DST: variants seen among roughly 807,000 people sequenced by gnomAD.
DST encodes the protein bullous pemphigoid antigen.
Under a neutral mutation model 875.2 loss-of-function variants are expected in DST, and 253 were observed. That is an observed-to-expected ratio of 0.29 (90% CI 0.26 to 0.32). DST has a LOEUF of 0.32. DST is among the 10% of genes least tolerant of loss of function. The pLI is 1.00. For missense variants in DST, 8,287 were observed against 9,111.6 expected, an observed-to-expected ratio of 0.91 and a Z score of 3.68; for synonymous variants, 3,124 against 3,197.1, an observed-to-expected ratio of 0.98 and a Z score of 0.77.
Position 56,954,604 on chromosome 6 carries a change from G to GGGCGAC in DST, c.-23_-18dup. 7.5e-7 allele frequency: 1 copy of GGGCGAC among 1,331,782 alleles called. No individual in the cohort carries two copies. Among genetic ancestry groups the GGGCGAC allele is most frequent in the Non-Finnish European group, 1.0e-6 (1 of 1,004,358 alleles). The allele number at this position is 1,331,782 out of a possible 1,614,324, so 82.5% of individuals were successfully genotyped here. A position where few individuals can be genotyped will look rare whatever the true frequency, so the allele number is the denominator to read the frequency against. The stretch of plus-strand genomic sequence containing the variant: ...GGCGATCATGGTGCGGGCGAGGCGA[G>GGGCGAC]GGCGACTCGACGGCGGGGCTGGAGG... On this transcript the variant is annotated 5_prime_UTR_variant, in exon 1 of 104. Transcript: ENST00000680361.
chr6:56,605,243 T>G lies in DST; in HGVS notation c.9385A>C (p.Lys3129Gln), dbSNP rs1356373781. ...EPNNLQIIVS[K>Q]SPVQFENLEE... ...AGATTCTCAAACTGAACAGGACTTT[T>G]ACTAACTATTATTTGTAGATTATTT... The change falls in exon 40 of 104, where the codon AAA (lysine) becomes CAA (glutamine). Residue 3129 changes from lysine (K) to glutamine (Q), a missense_variant. Physicochemically the swap from Lys to Gln is moderately conservative, Grantham distance 53. Coordinates refer to ENST00000680361, the MANE Select transcript of DST (RefSeq NM_001374736.1). 1 of 1,610,984 alleles carries G rather than the reference T, an allele frequency of 6.2e-7. No individual in the cohort carries two copies. Among genetic ancestry groups the G allele is most frequent in the Non-Finnish European group, 8.5e-7 (1 of 1,178,312 alleles).
chr6:56,781,344 C>T (rs1485122761), intron 4 of DST, among the ~76,000 whole-genome samples: 2 of 152,182 alleles, frequency 1.3e-5, no homozygotes, highest in East Asian at 1.9e-4. Context: ...TTGATTCTTC[C>T]TACCCATGAG....
At position 56,670,692 on chromosome 6, in the gene DST, G is replaced by C. The variant is rs763979804; in HGVS notation, c.1163C>G (p.Thr388Ser). 1.2e-6 allele frequency: 2 copies of C among 1,608,136 alleles called. No individual in the cohort carries two copies. Among genetic ancestry groups the C allele is most frequent in the Admixed American group, 3.4e-5 (2 of 59,272 alleles). The part of the protein sequence containing the change: ...GYAGIRCENF[T>S]TCWRDGKLFN... Reference sequence around the variant, plus strand: ...TAATTTTCCATCTCTCCAGCAGGTAGTGAAATTTTCACACCGAATTCCAGC... The same window carrying C: ...TAATTTTCCATCTCTCCAGCAGGTACTGAAATTTTCACACCGAATTCCAGC... The change falls in exon 10 of 104, where the codon ACT becomes AGT. Residue 388 changes from threonine to serine, a missense_variant. Coordinates refer to ENST00000680361, the MANE Select transcript of DST (RefSeq NM_001374736.1).
Position 56,506,466 on chromosome 6 carries a change from C to A in DST, c.19441G>T (p.Val6481Phe). 6.2e-7 allele frequency: 1 copy of A among 1,612,696 alleles called. No homozygotes were observed. The highest frequency in any genetic ancestry group is 8.5e-7 in the Non-Finnish European group (1 of 1,179,290). The change falls in exon 77 of 104, where the codon GTT (valine) becomes TTT (phenylalanine). Residue 6481 changes from valine to phenylalanine, a missense_variant. Physicochemically the swap from Val to Phe is conservative, Grantham distance 50 (BLOSUM62 -1). Transcript: ENST00000680361. The part of the protein sequence containing the change: ...DKLEEAMQAA[V>F]QYQDGLQAVF... ...ACCTGCAGTCCATCCTGGTACTGAA[C>A]GGCAGCCTGCATTGCCTCCTCAAGT...
At chr6:56,680,884 T>C (rs1475289263) in intron 9 of DST, among the ~76,000 whole-genome samples, 1 of 152,178 alleles carries the variant, frequency 6.6e-6, no homozygotes, top group Non-Finnish European at 1.5e-5. Flanking sequence ...ACTAACCATG[T>C]ATTGACCACT....
chr6:56,627,113 A>G (rs2098741777), intron 34 of DST, 91 bp downstream of exon 34: 1 of 977,470 alleles, frequency 1.0e-6, no homozygotes, highest in Admixed American at 1.7e-5. Context: ...TCTTTTAAAC[A>G]CTGAGTGAAA....
intron 32 of DST, 76 bp downstream of exon 32, chr6:56,629,174 A>G: frequency 1.4e-6 from 2 of 1,416,280 alleles, no homozygotes; most frequent in Non-Finnish European, 2.0e-6. Context: ...AAATAGCCTC[A>G]TATGTGTAGA....
chr6:56,510,229 T>G (rs1040259945), intron 73 of DST, among the ~76,000 whole-genome samples: 2 of 152,168 alleles, frequency 1.3e-5, no homozygotes, highest in African/African-American at 4.8e-5. Flanking sequence ...TCAAATTAAT[T>G]TTAAAAATCA....
At chr6:56,842,601 T>C (rs922157915) in intron 4 of DST, among the ~76,000 whole-genome samples, 3 of 152,098 alleles carry the variant, frequency 2.0e-5, no homozygotes, top group African/African-American at 7.2e-5. Flanking sequence ...GTCACAAACT[T>C]TATCAAATAA....
At chr6:56,878,855 T>C (rs1037158236) in intron 3 of DST, among the ~76,000 whole-genome samples, 11 of 152,168 alleles carry the variant, frequency 7.2e-5, no homozygotes, top group Admixed American at 3.3e-4. Context: ...TAACGTTGAA[T>C]ATGAAGTTGT....
intron 55 of DST, among the ~76,000 whole-genome samples, chr6:56,568,254 A>G (rs1263620733): frequency 2.0e-5 from 3 of 152,256 alleles, no homozygotes; most frequent in Admixed American, 2.0e-4. Flanking sequence ...CATTTTAAAT[A>G]CAGTCTAATA....
intron 61 of DST, among the ~76,000 whole-genome samples, chr6:56,539,541 C>G (rs770747142): frequency 1.3e-5 from 2 of 152,116 alleles, no homozygotes; most frequent in African/African-American, 2.4e-5. Context: ...CCACAGCACA[C>G]AAGCATGAAG....
chr6:56,816,816 A>ATTT (rs35624872), intron 4 of DST, among the ~76,000 whole-genome samples: 3,626 of 144,506 alleles, frequency 0.025, 76 homozygotes, highest in African/African-American at 0.044. Context: ...AAATAGGCTG[A>ATTT]TTTTTTTTTT....
At position 56,714,556 on chromosome 6, in the gene DST, T is replaced by G. The variant is rs1474534737; in HGVS notation, c.688-10187A>C. 2.0e-5 allele frequency among the ~76,000 whole-genome samples: 3 copies of G among 152,296 alleles called. No individual in the cohort carries two copies. In the East Asian group the frequency reaches 5.8e-4, roughly 29 times the overall value. Reference sequence around the variant, plus strand: ...CCAGCCCCTGTCTGAGCACACTCCCTTTTAAAGTGACAAGTTTCACCAAGA... The same window carrying G: ...CCAGCCCCTGTCTGAGCACACTCCCGTTTAAAGTGACAAGTTTCACCAAGA... On this transcript the variant is annotated intron_variant, in intron 5 of 103. Transcript: ENST00000680361. The surrounding 1 kb of genome is among the most constrained non-coding windows in gnomAD (Gnocchi z 4.5).
intron 36 of DST, chr6:56,615,769 TA>T: frequency 6.2e-7 from 1 of 1,614,222 alleles, no homozygotes; most frequent in South Asian, 1.1e-5. Flanking sequence ...CCTGTGGCTC[TA>T]TCAACCCTCC....
At chr6:56,819,728 A>T (rs917925229) in intron 4 of DST, among the ~76,000 whole-genome samples, 2 of 126,322 alleles carry the variant, frequency 1.6e-5, no homozygotes, top group African/African-American at 5.8e-5. Flanking sequence ...TTATAGAGGC[A>T]CTCTGCAAGG....
chr6:56,952,475 T>C (rs564903888), intron 2 of DST, among the ~76,000 whole-genome samples: 10 of 152,342 alleles, frequency 6.6e-5, no homozygotes, highest in Non-Finnish European at 1.0e-4. Context: ...TATTCAAAAA[T>C]TGTTGCTTTA....
chr6:56,474,064 T>C (rs1349794758), intron 92 of DST, 62 bp from the exon 93 acceptor site: 5 of 1,399,198 alleles, frequency 3.6e-6, no homozygotes, highest in Non-Finnish European at 4.9e-6. Context: ...TCTTTAGAAA[T>C]GAACTAAAAG....
chr6:56,699,265 G>T (rs973744116), intron 9 of DST, among the ~76,000 whole-genome samples: 7 of 151,974 alleles, frequency 4.6e-5, no homozygotes, highest in African/African-American at 1.7e-4. Flanking sequence ...TATCAAAGGA[G>T]GAAATAGTTG....
Sources: gnomAD v4.1 joint callset for allele counts (sites outside exome capture counted in the v4.1 genomes callset) on GRCh38, gnomAD v4.1.1 for gene constraint, Gnocchi (gnomAD v3.1) non-coding constraint, MANE v1.5 for transcripts, NCBI Gene and HGNC (gene_info 2026-07-23, HGNC 2026-07-21) for gene names.